The following GALNT17 variants were observed in gnomAD, a reference collection of about 807,000 sequenced individuals.
The protein encoded by GALNT17 is polypeptide N-acetylgalactosaminyltransferase 17, also known as UDP-GalNAc:polypeptide N-acetylgalactosaminyltransferase-like 3.
Under a neutral mutation model 63.7 loss-of-function variants are expected in GALNT17, and 29 were observed. That is an observed-to-expected ratio of 0.46 (90% CI 0.34 to 0.62). GALNT17 has a LOEUF of 0.62. Ranked by LOEUF, GALNT17 falls within the 20% of genes least tolerant of loss-of-function variation. GALNT17 has a pLI of 0.01. For synonymous variants in GALNT17, 305 were observed against 318.3 expected (o/e 0.96, Z 0.45); for missense variants, 603 against 799.6 (o/e 0.75, Z 2.97).
intron 6 of GALNT17, among the ~76,000 whole-genome samples, chr7:71,603,638 CTGCTAAGTGCATGCACTAAGTACTA>C (rs1790001248): frequency 6.7e-6 from 1 of 150,240 alleles, no homozygotes; most frequent in Non-Finnish European, 1.5e-5. Flanking sequence ...ACACTGGATA[CTGCTAAGTGCATGCACTAAGTACTA>C]TGCTAAGTGC....
intron 2 of GALNT17, among the ~76,000 whole-genome samples, chr7:71,380,965 TG>T: frequency 6.6e-6 from 1 of 150,862 alleles, no homozygotes; most frequent in Non-Finnish European, 1.5e-5. Context: ...CTGGGGTTTT[TG>T]TTTTTTTTTT....
intron 9 of GALNT17, among the ~76,000 whole-genome samples, chr7:71,679,054 A>T (rs980290912): frequency 4.0e-5 from 6 of 151,718 alleles, no homozygotes; most frequent in East Asian, 1.9e-4. Context: ...GCCTGTGGGG[A>T]GTAGGAGATT....
intron 1 of GALNT17, among the ~76,000 whole-genome samples, chr7:71,222,473 G>A (rs916877386): frequency 5.9e-5 from 9 of 151,828 alleles, no homozygotes; most frequent in Non-Finnish European, 1.3e-4. Context: ...TGTATTTTTA[G>A]TAGAGACAAG....
At chr7:71,582,071 C>T (rs960699270) in intron 6 of GALNT17, among the ~76,000 whole-genome samples, 1 of 152,062 alleles carries the variant, frequency 6.6e-6, no homozygotes, top group African/African-American at 2.4e-5. Flanking sequence ...TAAACTAGAA[C>T]AATCACTATG....
intron 1 of GALNT17, among the ~76,000 whole-genome samples, chr7:71,258,328 C>G (rs968855662): frequency 3.3e-5 from 5 of 152,242 alleles, no homozygotes; most frequent in Non-Finnish European, 5.9e-5. Flanking sequence ...GATTCATGGT[C>G]AAGAGTGAAC....
intron 6 of GALNT17, among the ~76,000 whole-genome samples, chr7:71,576,889 T>A (rs1789547463): frequency 6.6e-6 from 1 of 152,146 alleles, no homozygotes; most frequent in Non-Finnish European, 1.5e-5. Context: ...TAATAGCCAT[T>A]CTACCAAAAA....
chr7:71,639,896 G>T (rs940641758), intron 6 of GALNT17, among the ~76,000 whole-genome samples: 4 of 152,182 alleles, frequency 2.6e-5, no homozygotes, highest in Non-Finnish European at 4.4e-5. Flanking sequence ...ATTGCGGGAA[G>T]ATCGCAGCCC....
chr7:71,293,727 A>G (rs116928412), intron 1 of GALNT17, among the ~76,000 whole-genome samples: 1,846 of 152,286 alleles, frequency 0.012, 18 homozygotes, highest in Middle Eastern at 0.027. Flanking sequence ...TAGGTTAGCA[A>G]TTCTTCTTTC....
At chr7:71,268,343 A>G (rs1790527515) in intron 1 of GALNT17, among the ~76,000 whole-genome samples, 1 of 151,366 alleles carries the variant, frequency 6.6e-6, no homozygotes, top group African/African-American at 2.4e-5. Flanking sequence ...GGAGCTTGAG[A>G]ACAGCCTGGG....
intron 1 of GALNT17, 46 bp from the exon 2 acceptor site, chr7:71,335,504 G>T: frequency 2.7e-6 from 4 of 1,493,144 alleles, no homozygotes; most frequent in Non-Finnish European, 3.6e-6. Context: ...AATACATCCT[G>T]GTATGGTGGT....
At chr7:71,313,572 C>G (rs1049294520) in intron 1 of GALNT17, among the ~76,000 whole-genome samples, 17 of 151,986 alleles carry the variant, frequency 1.1e-4, no homozygotes, top group African/African-American at 3.9e-4. Flanking sequence ...GAAAGAAGCT[C>G]TGTGAAAAAA....
rs137987824 is a variant in GALNT17, at chr7:71,706,932, A to G, written c.1501-3829A>G. ...TGGAGGAGGTGGGGTTCTCCTGGCA[A>G]TCTGGGAGGGGGCTCTTCTGCTGCT... On this transcript the variant is annotated intron_variant, in intron 9 of 10. Transcript: ENST00000333538. Among the ~76,000 whole-genome samples the G allele has an allele frequency of 2.2e-4, 33 of 152,248 alleles. 1 individual carries two copies. Among genetic ancestry groups the G allele is most frequent in the South Asian group, 4.2e-4 (2 of 4,814 alleles).
chr7:71,192,254 T>C (rs995515192), intron 1 of GALNT17, among the ~76,000 whole-genome samples: 2 of 152,176 alleles, frequency 1.3e-5, no homozygotes, highest in African/African-American at 4.8e-5. Context: ...AGGGTGGGTC[T>C]GTCTCTCCCA....
rs1187658682 is a variant in GALNT17 at position 71,219,702 on chromosome 7, G to A, written c.238+86662G>A. Among the ~76,000 whole-genome samples the A allele has an allele frequency of 2.6e-5, 4 of 152,094 alleles. No individual in the cohort carries two copies. In the East Asian group the frequency reaches 7.7e-4, roughly 29 times the overall value. ...AGGATGATAAGGGGGTTTCCCTTGTGTTCTGCAAGGGGTCTGTCTACTCCT... is the reference window on the plus strand; with the variant it reads ...AGGATGATAAGGGGGTTTCCCTTGTATTCTGCAAGGGGTCTGTCTACTCCT... On this transcript the variant is annotated intron_variant, in intron 1 of 10. Transcript: ENST00000333538.
Position 71,713,120 on chromosome 7 carries a change from C to T in GALNT17, c.*974C>T, listed in dbSNP as rs1257495565. On this transcript the variant is annotated 3_prime_UTR_variant, in exon 11 of 11. Transcript: ENST00000333538. ...CTCTGAAGAGTATTTTTTTCGATTG[C>T]CCTCTGGTTAGGGTGCACATATAAA... The T allele has an allele frequency of 6.6e-6, 1 of 152,638 alleles. No individual in the cohort carries two copies. Among genetic ancestry groups the T allele is most frequent in the African/African-American group, 2.4e-5 (1 of 41,438 alleles). The allele number at this position is 152,638 out of a possible 1,614,324, so 9.5% of individuals were successfully genotyped here.
At chr7:71,328,919 A>G (rs181450720) in intron 1 of GALNT17, among the ~76,000 whole-genome samples, 1 of 149,804 alleles carries the variant, frequency 6.7e-6, no homozygotes, top group Non-Finnish European at 1.5e-5. Context: ...ATACTGTTTT[A>G]TAAAAAAAAT....
At chr7:71,158,388 TTTC>T (rs1788275938) in intron 1 of GALNT17, among the ~76,000 whole-genome samples, 1 of 151,478 alleles carries the variant, frequency 6.6e-6, no homozygotes, top group African/African-American at 2.4e-5. Context: ...AGATGTTTCT[TTTC>T]TTTCTTTTTT....
At position 71,421,037 on chromosome 7, in the gene GALNT17, G is replaced by T; in HGVS notation, c.894G>T (p.Glu298Asp). 1 of 1,614,170 alleles carries T rather than the reference G, an allele frequency of 6.2e-7. No homozygotes were observed. The highest frequency in any genetic ancestry group is 8.5e-7 in the Non-Finnish European group (1 of 1,180,032). The part of the protein sequence containing the change: ...YENSAHGYSW[E>D]LWCMYISPPK... Reference sequence around the variant, plus strand: ...ACTCGGCCCACGGGTACAGCTGGGAGCTGTGGTGCATGTACATCAGCCCCC... The same window carrying T: ...ACTCGGCCCACGGGTACAGCTGGGATCTGTGGTGCATGTACATCAGCCCCC... Residue 298 changes from glutamate (E) to aspartate (D), a missense_variant, in exon 5 of 11, where the codon GAG becomes GAT. Around this residue, in one of 3 missense-constraint regions of GALNT17, gnomAD observed 336 missense variants for 507.8 expected, o/e 0.66. Coordinates refer to ENST00000333538, the MANE Select transcript of GALNT17 (RefSeq NM_022479.3).
intron 5 of GALNT17, among the ~76,000 whole-genome samples, chr7:71,538,487 G>A (rs1788836155): frequency 6.6e-6 from 1 of 152,158 alleles, no homozygotes; most frequent in South Asian, 2.1e-4. Flanking sequence ...ACAGAGCAAA[G>A]TGCACCAAAG....
Sources: allele counts gnomAD v4.1 joint callset (sites outside exome capture counted in the v4.1 genomes callset), GRCh38; gene constraint gnomAD v4.1.1; regional missense constraint gnomAD v4.1.1; transcripts MANE v1.5; gene names NCBI Gene and HGNC (gene_info 2026-07-23, HGNC 2026-07-21).